The following DLGAP2 variants were observed in gnomAD, a reference collection of about 807,000 sequenced individuals.
DLGAP2 encodes the protein disks large-associated protein 2.
DLGAP2 carries 26 observed loss-of-function variants against 100.3 expected under a neutral mutation model. The ratio of observed to expected loss-of-function variants is 0.26; its 90% CI spans 0.19 to 0.36. The LOEUF is 0.36. Ranked by LOEUF, DLGAP2 falls within the 10% of genes least tolerant of loss-of-function variation. DLGAP2 has a pLI of 1.00. For synonymous variants in DLGAP2, 886 were observed against 630.1 expected, an observed-to-expected ratio of 1.41 and a Z score of -6.08; for missense variants, 1,858 against 1,453.2, an observed-to-expected ratio of 1.28 and a Z score of -4.53.
chr8:799,156 T>G (rs1796096663), intron 1 of DLGAP2, among the ~76,000 whole-genome samples: 1 of 152,176 alleles, frequency 6.6e-6, no homozygotes, highest in African/African-American at 2.4e-5. Flanking sequence ...AATCCGAGTG[T>G]CTTTGGGAGG....
chr8:1,663,814 T>C (rs1798475922), intron 8 of DLGAP2, among the ~76,000 whole-genome samples: 1 of 152,076 alleles, frequency 6.6e-6, no homozygotes, highest in Non-Finnish European at 1.5e-5. Flanking sequence ...ACAGCGCATG[T>C]TTTGATTTAG....
chr8:1,392,981 G>A (rs572433304), intron 3 of DLGAP2, among the ~76,000 whole-genome samples: 35 of 87,696 alleles, frequency 4.0e-4, no homozygotes, highest in Non-Finnish European at 7.2e-4. Context: ...ATGTGAATCC[G>A]AGGCCTCAGG....
At chr8:1,205,324 C>T (rs1193982403) in intron 2 of DLGAP2, among the ~76,000 whole-genome samples, 1 of 152,184 alleles carries the variant, frequency 6.6e-6, no homozygotes, top group Non-Finnish European at 1.5e-5. Context: ...CGACGGGCAG[C>T]CTGTTCCTCA....
rs141899821 is a variant in DLGAP2 at position 1,175,956 on chromosome 8, G to A, written c.74-82895G>A. ...CTGCAAAGTGAGGACAAAGCGATTC[G>A]CAGATGTGGGAGCTGGCACAGGGCC... On this transcript the variant is annotated intron_variant, in intron 2 of 14. Coordinates refer to ENST00000637795, the MANE Select transcript of DLGAP2 (RefSeq NM_001346810.2). 3.6e-3 allele frequency among the ~76,000 whole-genome samples: 552 copies of A among 152,282 alleles called. 2 individuals are homozygous for A. The highest frequency in any genetic ancestry group is 6.8e-3 in the Middle Eastern group (2 of 294).
intron 3 of DLGAP2, 91 bp from the exon 4 acceptor site, chr8:1,501,275 T>G: frequency 7.6e-7 from 1 of 1,317,626 alleles, no homozygotes; most frequent in Non-Finnish European, 1.1e-6. Flanking sequence ...GTTTGAACTG[T>G]TGAGTGTGGA....
chr8:1,526,605 C>T (rs536847769), intron 4 of DLGAP2, among the ~76,000 whole-genome samples: 60 of 152,274 alleles, frequency 3.9e-4, no homozygotes, highest in African/African-American at 1.3e-3. Context: ...CCTGGCTGAC[C>T]GCTGAGTTCT....
chr8:822,909 T>A (rs1044416081), intron 1 of DLGAP2, among the ~76,000 whole-genome samples: 2 of 152,126 alleles, frequency 1.3e-5, no homozygotes, highest in African/African-American at 4.8e-5. Flanking sequence ...AGAGGAGGGT[T>A]TTGTCAGTTT....
intron 13 of DLGAP2, among the ~76,000 whole-genome samples, chr8:1,695,863 C>G (rs971269583): frequency 6.6e-6 from 1 of 152,260 alleles, no homozygotes; most frequent in Non-Finnish European, 1.5e-5. Context: ...GTTATCCCCA[C>G]CCACAGAGGC....
chr8:1,376,806 C>CATCGGCGGATGG (rs1201723819), intron 3 of DLGAP2, among the ~76,000 whole-genome samples: 1 of 151,656 alleles, frequency 6.6e-6, no homozygotes, highest in Non-Finnish European at 1.5e-5. Context: ...GATGTGTGGT[C>CATCGGCGGATGG]CGCAGGTGGG....
intron 2 of DLGAP2, among the ~76,000 whole-genome samples, chr8:1,131,934 C>T (rs1471276377): frequency 6.6e-6 from 1 of 152,106 alleles, no homozygotes; most frequent in African/African-American, 2.4e-5. Flanking sequence ...TTTGTATCTT[C>T]ATAAGTGTGA....
chr8:1,460,010 A>C (rs947109760), intron 3 of DLGAP2, among the ~76,000 whole-genome samples: 1 of 152,214 alleles, frequency 6.6e-6, no homozygotes, highest in African/African-American at 2.4e-5. Context: ...GAATGAAGTC[A>C]GTAAACCTTT....
intron 5 of DLGAP2, among the ~76,000 whole-genome samples, chr8:1,550,350 G>C (rs768372185): frequency 6.6e-6 from 1 of 152,196 alleles, no homozygotes; most frequent in African/African-American, 2.4e-5. Context: ...GCTCTCATGC[G>C]TGAGTCTGGC....
At chr8:1,087,031 A>G (rs1289327830) in intron 2 of DLGAP2, among the ~76,000 whole-genome samples, 1 of 152,238 alleles carries the variant, frequency 6.6e-6, no homozygotes, top group East Asian at 1.9e-4. Flanking sequence ...AGCAAATTTA[A>G]GAAGATTGAA....
At chr8:1,233,409 G>A (rs76508398) in intron 2 of DLGAP2, among the ~76,000 whole-genome samples, 2,928 of 152,288 alleles carry the variant, frequency 0.019, 94 homozygotes, top group African/African-American at 0.066. Flanking sequence ...GAGCAAGGGC[G>A]TGCCTGTCTT....
chr8:1,307,163 C>T (rs6558442), intron 3 of DLGAP2, among the ~76,000 whole-genome samples: 100,901 of 151,438 alleles, frequency 0.67, 34,736 homozygotes, highest in African/African-American at 0.85. Context: ...TGGACTGATA[C>T]CTACACTATT....
chr8:816,438 A>T (rs981390597), intron 1 of DLGAP2, among the ~76,000 whole-genome samples: 1 of 152,138 alleles, frequency 6.6e-6, no homozygotes, highest in African/African-American at 2.4e-5. Flanking sequence ...TTCTCTCAGC[A>T]TTTGTTTATC....
At chr8:1,255,010 G>GGT (rs1799151861) in intron 2 of DLGAP2, among the ~76,000 whole-genome samples, 6 of 127,796 alleles carry the variant, frequency 4.7e-5, no homozygotes, top group African/African-American at 1.6e-4. Context: ...ATCCTGCTTG[G>GGT]GCGCTGTGTG....
chr8:1,227,416 A>G (rs975727643), intron 2 of DLGAP2, among the ~76,000 whole-genome samples: 1 of 150,150 alleles, frequency 6.7e-6, no homozygotes, highest in Non-Finnish European at 1.5e-5. Flanking sequence ...TTCTCCGTAC[A>G]TTTACTTTGA....
At position 1,481,845 on chromosome 8, in the gene DLGAP2, G is replaced by A. The variant is rs190121996; in HGVS notation, c.107-19521G>A. On this transcript the variant is annotated intron_variant, in intron 3 of 14. Coordinates refer to ENST00000637795, the MANE Select transcript of DLGAP2 (RefSeq NM_001346810.2). ...TAAAAAATCTCTGACTCCTTGGCTG[G>A]CCCAGAAAACTAAACTCATGTCAGG... Among the ~76,000 whole-genome samples, 10 of 152,268 alleles carry A rather than the reference G, an allele frequency of 6.6e-5. No individual in the cohort carries two copies. The East Asian group carries it at 1.9e-3, about 29-fold the overall frequency.
Sources: gnomAD v4.1 joint callset for allele counts (sites outside exome capture counted in the v4.1 genomes callset) on GRCh38, gnomAD v4.1.1 for gene constraint, MANE v1.5 for transcripts, NCBI Gene and HGNC (gene_info 2026-07-23, HGNC 2026-07-21) for gene names.